Variants in SRPK2 observed in about 807,000 individuals in gnomAD.
The protein encoded by SRPK2 is SRSF protein kinase 2.
Under a neutral mutation model 90.8 loss-of-function variants are expected in SRPK2, and 21 were observed. That is an observed-to-expected ratio of 0.23 (90% CI 0.16 to 0.33). The LOEUF (loss-of-function observed/expected upper bound fraction) is 0.33. SRPK2 is among the 10% of genes least tolerant of loss of function. SRPK2 has a pLI of 1.00. For missense variants in SRPK2, 620 were observed against 869.0 expected, an observed-to-expected ratio of 0.71 and a Z score of 3.60; for synonymous variants, 288 against 311.1, an observed-to-expected ratio of 0.93 and a Z score of 0.78.
chr7:105,222,002 A>C (rs757812325), intron 2 of SRPK2, among the ~76,000 whole-genome samples: 14 of 152,210 alleles, frequency 9.2e-5, no homozygotes, highest in Admixed American at 5.9e-4. Context: ...CATTAAAAAC[A>C]CTGTAAAATA....
chr7:105,358,491 G>C (rs1240230080), intron 2 of SRPK2, among the ~76,000 whole-genome samples: 1 of 152,034 alleles, frequency 6.6e-6, no homozygotes, highest in Non-Finnish European at 1.5e-5. Context: ...TTCAAAACCA[G>C]CCTGGACAAC....
chr7:105,309,514 T>C (rs1811481743), intron 2 of SRPK2, among the ~76,000 whole-genome samples: 1 of 152,186 alleles, frequency 6.6e-6, no homozygotes, highest in Admixed American at 6.5e-5. Flanking sequence ...GCTCTATCCT[T>C]AATTAGCCAT....
In SRPK2 at chr7:105,176,621, G is replaced by GTATATATA. The variant is rs60848545; in HGVS notation, c.230-7364_230-7357dup. On this transcript the variant is annotated intron_variant, in intron 3 of 15. Coordinates refer to ENST00000393651, the MANE Select transcript of SRPK2 (RefSeq NM_182692.3). ...TGTGTGTGTGTGTGTATACGTGTGTGTATATATATATATGCACAGTGGCAT... is the reference window on the plus strand; with the variant it reads ...TGTGTGTGTGTGTGTATACGTGTGTGTATATATATATATATATATATGCACAGTGGCAT... 2.2e-3 allele frequency among the ~76,000 whole-genome samples: 323 copies of GTATATATA among 147,646 alleles called. 1 individual carries two copies. The highest frequency in any genetic ancestry group is 4.7e-3 in the African/African-American group (184 of 39,356).
intron 2 of SRPK2, among the ~76,000 whole-genome samples, chr7:105,239,790 G>A (rs1282068131): frequency 6.6e-6 from 1 of 152,180 alleles, no homozygotes; most frequent in Non-Finnish European, 1.5e-5. Flanking sequence ...GAATAAGAAA[G>A]CCAATTCTCT....
chr7:105,306,475 T>G (rs1207802185), intron 2 of SRPK2: 3 of 452,064 alleles, frequency 6.6e-6, no homozygotes, highest in African/African-American at 2.0e-5. Flanking sequence ...GGTCAATACT[T>G]GAACCAGGCA....
intron 2 of SRPK2, among the ~76,000 whole-genome samples, chr7:105,289,122 A>AT (rs1808599271): frequency 7.8e-6 from 1 of 128,296 alleles, no homozygotes; most frequent in Non-Finnish European, 1.7e-5. Flanking sequence ...AAAAAAAAAA[A>AT]AATTAGCCGG....
chr7:105,159,196 C>T (rs925990048), intron 7 of SRPK2, among the ~76,000 whole-genome samples: 2 of 151,934 alleles, frequency 1.3e-5, no homozygotes, highest in African/African-American at 2.4e-5. Flanking sequence ...TGCCAATTTT[C>T]CATACAAGGC....
chr7:105,310,580 G>A (rs896367087), intron 2 of SRPK2, among the ~76,000 whole-genome samples: 4 of 151,974 alleles, frequency 2.6e-5, no homozygotes, highest in African/African-American at 9.7e-5. Context: ...GGAGGCAGAG[G>A]TTGTAGAAGC....
intron 2 of SRPK2, among the ~76,000 whole-genome samples, chr7:105,280,683 C>T (rs1807163606): frequency 6.7e-6 from 1 of 150,346 alleles, no homozygotes. Context: ...CACAGTGGCT[C>T]ACCCCTGTAA....
At chr7:105,342,723 T>G (rs557971820) in intron 2 of SRPK2, among the ~76,000 whole-genome samples, 4 of 152,174 alleles carry the variant, frequency 2.6e-5, no homozygotes, top group Non-Finnish European at 5.9e-5. Context: ...AAAAGTTACA[T>G]GCTCTCCCTA....
chr7:105,208,268 T>C (rs1023839837), intron 2 of SRPK2, among the ~76,000 whole-genome samples: 2 of 152,076 alleles, frequency 1.3e-5, no homozygotes, highest in African/African-American at 4.8e-5. Flanking sequence ...AATTACCAAA[T>C]AACCCAACAA....
intron 2 of SRPK2, among the ~76,000 whole-genome samples, chr7:105,341,381 A>AT (rs1378945356): frequency 4.4e-5 from 2 of 44,946 alleles, no homozygotes; most frequent in Non-Finnish European, 1.3e-4. Flanking sequence ...AAAAAAAAAA[A>AT]GGGGGAATGT....
intron 6 of SRPK2, among the ~76,000 whole-genome samples, chr7:105,165,188 G>T (rs970451616): frequency 1.3e-5 from 2 of 152,164 alleles, no homozygotes; most frequent in Non-Finnish European, 2.9e-5. Context: ...GTAGAGGAAG[G>T]ATAAGGATAA....
chr7:105,268,595 C>T (rs1437963763), intron 2 of SRPK2, among the ~76,000 whole-genome samples: 1 of 152,182 alleles, frequency 6.6e-6, no homozygotes, highest in Admixed American at 6.5e-5. Context: ...CATGCTGCAG[C>T]TGATCAGGCT....
chr7:105,288,504 G>A (rs1246599656), intron 2 of SRPK2, among the ~76,000 whole-genome samples: 1 of 152,082 alleles, frequency 6.6e-6, no homozygotes, highest in African/African-American at 2.4e-5. Context: ...TGAGCCAGGA[G>A]AATCACTTGA....
intron 3 of SRPK2, among the ~76,000 whole-genome samples, chr7:105,190,510 C>G (rs1036591191): frequency 6.6e-6 from 1 of 152,058 alleles, no homozygotes; most frequent in Non-Finnish European, 1.5e-5. Flanking sequence ...TTTTTTTAAA[C>G]CACTTACCAT....
intron 9 of SRPK2, among the ~76,000 whole-genome samples, chr7:105,144,315 A>T: frequency 6.8e-6 from 1 of 147,380 alleles, no homozygotes; most frequent in East Asian, 2.0e-4. Flanking sequence ...ATCTCAGCTC[A>T]CTGCAACCGT....
At chr7:105,196,484 T>C (rs1794928768) in intron 3 of SRPK2, among the ~76,000 whole-genome samples, 1 of 152,200 alleles carries the variant, frequency 6.6e-6, no homozygotes, top group Non-Finnish European at 1.5e-5. Flanking sequence ...GTAATTTCTG[T>C]TATGGGTAAC....
At chr7:105,170,999 A>AAG (rs1403707303) in intron 3 of SRPK2, among the ~76,000 whole-genome samples, 11 of 130,250 alleles carry the variant, frequency 8.4e-5, no homozygotes, top group South Asian at 2.7e-4. Flanking sequence ...AAGAAAGAGA[A>AAG]AGAAAGAAAG....
Sources: allele counts gnomAD v4.1 joint callset (sites outside exome capture counted in the v4.1 genomes callset), GRCh38; gene constraint gnomAD v4.1.1; transcripts MANE v1.5; gene names NCBI Gene and HGNC (gene_info 2026-07-23, HGNC 2026-07-21).